DRC11: variants seen among roughly 807,000 people sequenced by gnomAD.
DRC11 encodes dynein regulatory complex subunit 11.
At chr2:236,340,500 G>C in the DRC11 span, among the ~76,000 whole-genome samples, 1 of 152,176 alleles carries the variant, frequency 6.6e-6, no homozygotes, top group African/African-American at 2.4e-5. Context: ...GGGGTGAGTA[G>C]GGTGGTGAGA....
At chr2:236,503,835 T>C in the DRC11 span, 1 of 758,910 alleles carries the variant, frequency 1.3e-6, no homozygotes, top group Non-Finnish European at 2.2e-6. This position sits in a 1 kb window ranked among gnomAD's most constrained non-coding sequence, Gnocchi z 4.9. Context: ...TCAGCCCATC[T>C]GGCCTTGCGC....
chr2:236,416,480 G>C, the DRC11 span, among the ~76,000 whole-genome samples: 1 of 151,750 alleles, frequency 6.6e-6, no homozygotes, highest in South Asian at 2.1e-4. Context: ...CCAGTGAATT[G>C]GGTTGTGCCC....
the DRC11 span, among the ~76,000 whole-genome samples, chr2:236,485,055 A>G: frequency 3.3e-5 from 5 of 152,286 alleles, no homozygotes; most frequent in South Asian, 6.2e-4. Flanking sequence ...CATTTGCTAC[A>G]TGGTTGTTTT....
the DRC11 span, among the ~76,000 whole-genome samples, chr2:236,348,947 T>A: frequency 6.6e-6 from 1 of 152,142 alleles, no homozygotes; most frequent in East Asian, 1.9e-4. This position sits in a 1 kb window ranked among gnomAD's most constrained non-coding sequence, Gnocchi z 7.4. Context: ...AGGCCAGAGT[T>A]TCCCATCCCC....
At chr2:236,488,171 G>C in the DRC11 span, 1 of 1,601,340 alleles carries the variant, frequency 6.2e-7, no homozygotes, top group South Asian at 1.1e-5. Flanking sequence ...CATCGAAAGG[G>C]ATACTCTTTA....
the DRC11 span, chr2:236,380,466 G>C: frequency 2.3e-6 from 2 of 866,416 alleles, no homozygotes; most frequent in South Asian, 3.0e-5. The surrounding 1 kb of genome is among the most constrained non-coding windows in gnomAD (Gnocchi z 4.9). Flanking sequence ...GACTGTGGAG[G>C]ATGAAGAGGG....
At chr2:236,389,451 T>C in the DRC11 span, among the ~76,000 whole-genome samples, 1 of 152,138 alleles carries the variant, frequency 6.6e-6, no homozygotes, top group African/African-American at 2.4e-5. Flanking sequence ...ACCCCTTTCT[T>C]TGACTCAGAA....
the DRC11 span, among the ~76,000 whole-genome samples, chr2:236,379,317 A>G: frequency 7.2e-6 from 1 of 139,398 alleles, no homozygotes; most frequent in East Asian, 2.0e-4. Flanking sequence ...GGGGAGCGAC[A>G]GGACCAAGGG....
chr2:236,504,189 T>C, the DRC11 span, among the ~76,000 whole-genome samples: 1 of 138,300 alleles, frequency 7.2e-6, no homozygotes, highest in Non-Finnish European at 1.5e-5. This position sits in a 1 kb window ranked among gnomAD's most constrained non-coding sequence, Gnocchi z 5.0. Flanking sequence ...GAAGTGAAAT[T>C]ACACGGCGGT....
At chr2:236,371,318 C>T in the DRC11 span, among the ~76,000 whole-genome samples, 1 of 152,144 alleles carries the variant, frequency 6.6e-6, no homozygotes. This position sits in a 1 kb window ranked among gnomAD's most constrained non-coding sequence, Gnocchi z 5.1. Context: ...TAAAAAGGAA[C>T]CAAGATAATA....
At chr2:236,319,638 G>A in the DRC11 span, among the ~76,000 whole-genome samples, 1 of 152,160 alleles carries the variant, frequency 6.6e-6, no homozygotes, top group Admixed American at 6.5e-5. This position sits in a 1 kb window ranked among gnomAD's most constrained non-coding sequence, Gnocchi z 6.7. Flanking sequence ...ACTCCCCAAA[G>A]CTCAACGTGA....
At chr2:236,322,802 G>T in the DRC11 span, among the ~76,000 whole-genome samples, 1 of 152,192 alleles carries the variant, frequency 6.6e-6, no homozygotes, top group African/African-American at 2.4e-5. Context: ...TATTTAAATG[G>T]AAATGAACAT....
the DRC11 span, among the ~76,000 whole-genome samples, chr2:236,366,572 G>A: frequency 6.6e-5 from 10 of 151,072 alleles, no homozygotes; most frequent in Non-Finnish European, 8.9e-5. Context: ...AGCCCTTTTG[G>A]ACAGTAGGTT....
the DRC11 span, among the ~76,000 whole-genome samples, chr2:236,339,685 T>C: frequency 2.0e-5 from 3 of 152,368 alleles, no homozygotes; most frequent in Non-Finnish European, 4.4e-5. Context: ...AATTGAATTG[T>C]CTTTGCACCT....
the DRC11 span, among the ~76,000 whole-genome samples, chr2:236,424,134 C>G: frequency 6.6e-6 from 1 of 151,600 alleles, no homozygotes; most frequent in Non-Finnish European, 1.5e-5. Context: ...CACACCAGCA[C>G]GGCACATGTA....
At chr2:236,361,366 A>G in the DRC11 span, among the ~76,000 whole-genome samples, 46 of 152,310 alleles carry the variant, frequency 3.0e-4, no homozygotes, top group Non-Finnish European at 5.3e-4. The surrounding 1 kb of genome is among the most constrained non-coding windows in gnomAD (Gnocchi z 5.7). Flanking sequence ...TTAACTTGAC[A>G]GAGACAAAGA....
chr2:236,314,746 A>C, the DRC11 span, among the ~76,000 whole-genome samples: 2 of 152,060 alleles, frequency 1.3e-5, no homozygotes, highest in African/African-American at 2.4e-5. The surrounding 1 kb of genome is among the most constrained non-coding windows in gnomAD (Gnocchi z 4.5). Flanking sequence ...ATCTAAGGAA[A>C]GATGTGTAAG....
At chr2:236,497,063 C>G in the DRC11 span, 1 of 944,984 alleles carries the variant, frequency 1.1e-6, no homozygotes, top group East Asian at 2.6e-5. This position sits in a 1 kb window ranked among gnomAD's most constrained non-coding sequence, Gnocchi z 5.1. Flanking sequence ...AACTAGTAAA[C>G]ACGGACAGGA....
the DRC11 span, among the ~76,000 whole-genome samples, chr2:236,379,381 C>T: frequency 1.3e-4 from 10 of 77,078 alleles, no homozygotes; most frequent in Non-Finnish European, 1.3e-4. Context: ...GGAGGGAACC[C>T]CCAAACAGGG....
Sources: allele counts gnomAD v4.1 joint callset (sites outside exome capture counted in the v4.1 genomes callset), GRCh38; gene constraint gnomAD v4.1.1; non-coding constraint Gnocchi (gnomAD v3.1); transcripts MANE v1.5; gene names NCBI Gene and HGNC (gene_info 2026-07-23, HGNC 2026-07-21).